The following MED24 variants were observed in gnomAD, a reference collection of about 807,000 sequenced individuals.
MED24 encodes the protein mediator of RNA polymerase II transcription subunit 24.
A neutral mutation model predicts 118.8 loss-of-function variants in MED24; 74 were observed. The ratio of observed to expected loss-of-function variants is 0.62; its 90% confidence interval spans 0.52 to 0.76. The LOEUF (loss-of-function observed/expected upper bound fraction) is 0.76. MED24 is among the 30% of genes least tolerant of loss of function. MED24 has a pLI of 0.00. For synonymous variants in MED24, 521 were observed against 523.9 expected, an observed-to-expected ratio of 0.99 and a Z score of 0.08; for missense variants, 1,041 against 1,278.9, an observed-to-expected ratio of 0.81 and a Z score of 2.84.
chr17:40,051,160 A>T (rs866056486), intron 3 of MED24, among the ~76,000 whole-genome samples: 2 of 136,944 alleles, frequency 1.5e-5, no homozygotes, highest in African/African-American at 6.0e-5. Context: ...AAAAAAAAAA[A>T]TTTTGCCAGG....
chr17:40,026,007 C>G, intron 19 of MED24, 149 bp downstream of exon 19: 1 of 774,254 alleles, frequency 1.3e-6, no homozygotes, highest in Non-Finnish European at 2.1e-6. Context: ...TTTGCTGAGT[C>G]AGATGAGTGA....
Position 40,026,894 on chromosome 17 carries a change from C to A in MED24, c.1671G>T (p.Leu557=). The A allele has an allele frequency of 1.2e-6, 2 of 1,613,856 alleles. No homozygotes were observed. Among genetic ancestry groups the A allele is most frequent in the South Asian group, 2.2e-5 (2 of 91,080 alleles). Residue 557 remains leucine, a synonymous_variant, in exon 17 of 26, where the codon CTG becomes CTT. Transcript: ENST00000394128. ...CCGAGGAGTTGTTGAGCAGGGCCAC[C>A]AGGGACTCCACTTTGGTGGAGTCGG... The part of the protein sequence containing the change: ...FRPDSTKVES[L]VALLNNSSEM...
chr17:40,040,987 ATCC>A (rs911959313), intron 3 of MED24, among the ~76,000 whole-genome samples: 8 of 151,772 alleles, frequency 5.3e-5, no homozygotes, highest in African/African-American at 1.7e-4. Flanking sequence ...GCCTCAAGTG[ATCC>A]TCCTACCTCG....
At position 40,027,926 on chromosome 17, in the gene MED24, T is replaced by C; in HGVS notation, c.1430A>G (p.Tyr477Cys). 6.2e-7 allele frequency: 1 copy of C among 1,613,762 alleles called. No individual in the cohort carries two copies. Among genetic ancestry groups the C allele is most frequent in the Non-Finnish European group, 8.5e-7 (1 of 1,179,956 alleles). Reference sequence around the variant, plus strand: ...TGACTTACTGCTTTCTTCGCTGCCATAGGTTGTGAATTCATTCAAACTGAA... The same window carrying C: ...TGACTTACTGCTTTCTTCGCTGCCACAGGTTGTGAATTCATTCAAACTGAA... Reference protein sequence around the residue: ...KFINLNEFTTYGSEESTKPAS... With the variant: ...KFINLNEFTTCGSEESTKPAS... Residue 477 changes from tyrosine (Y) to cysteine (C), a missense_variant, in exon 15 of 26, where the codon TAT (tyrosine) becomes TGT (cysteine). Physicochemically the swap from Tyr to Cys is radical, Grantham distance 194 (BLOSUM62 -2). This residue lies in a region of MED24 where 587 missense variants were observed against 694.4 expected (regional missense o/e 0.85). Coordinates refer to ENST00000394128, the MANE Select transcript of MED24 (RefSeq NM_014815.4).
chr17:40,034,936 G>A (rs1221217680), intron 6 of MED24, 181 bp downstream of exon 6: 1 of 1,564,556 alleles, frequency 6.4e-7, no homozygotes, highest in Non-Finnish European at 8.7e-7. Context: ...ATTGGCTCGG[G>A]TGCCACCCTG....
Position 40,022,795 on chromosome 17 carries a change from G to A in MED24, c.2282C>T (p.Thr761Met), listed in dbSNP as rs370489060. The A allele has an allele frequency of 3.2e-5, 51 of 1,613,524 alleles. No homozygotes were observed. The East Asian group carries it at 4.5e-4, about 14-fold the overall frequency. The change falls in exon 21 of 26, where the codon ACG (threonine) becomes ATG (methionine). Residue 761 changes from threonine to methionine, a missense_variant. Transcript: ENST00000394128. ...GTAGAGCAGCTCCACTGCCCGCAGC[G>A]TGTGCTCCTTCCGCGTCTCCTTCAG... is the stretch of plus-strand genomic sequence containing the variant. Reference protein sequence around the residue: ...ELLKETRKEHTLRAVELLYSI... With the variant: ...ELLKETRKEHMLRAVELLYSI...
chr17:40,034,676 C>A lies in MED24; in HGVS notation c.559+441G>T, dbSNP rs1983741118. 2.0e-5 allele frequency among the ~76,000 whole-genome samples: 3 copies of A among 152,334 alleles called. No individual in the cohort carries two copies. In the South Asian group the frequency reaches 6.2e-4, roughly 32 times the overall value. Reference sequence around the variant, plus strand: ...TAAAAGGGGCATTTTAGGTAACATTCAAATACAAGAGTCATCTGCTTCCAA... The same window carrying A: ...TAAAAGGGGCATTTTAGGTAACATTAAAATACAAGAGTCATCTGCTTCCAA... On this transcript the variant is annotated intron_variant, in intron 6 of 25. Coordinates refer to ENST00000394128, the MANE Select transcript of MED24 (RefSeq NM_014815.4).
At chr17:40,023,808 G>A (rs1200855513) in intron 19 of MED24, among the ~76,000 whole-genome samples, 1 of 152,176 alleles carries the variant, frequency 6.6e-6, no homozygotes, top group East Asian at 1.9e-4. Context: ...AAAGTAAACT[G>A]TTCCTTCCAG....
At chr17:40,041,613 T>G (rs919694019) in intron 3 of MED24, among the ~76,000 whole-genome samples, 1 of 152,172 alleles carries the variant, frequency 6.6e-6, no homozygotes. Flanking sequence ...AGATCAAACA[T>G]GTATCCTCAC....
At chr17:40,021,721 T>A (rs563808811) in intron 23 of MED24, among the ~76,000 whole-genome samples, 2 of 152,198 alleles carry the variant, frequency 1.3e-5, no homozygotes, top group Admixed American at 1.3e-4. Flanking sequence ...GGAACAACTG[T>A]GGGCTGGGCT....
intron 4 of MED24, 94 bp downstream of exon 4, chr17:40,036,022 T>C: frequency 1.4e-6 from 2 of 1,399,382 alleles, no homozygotes; most frequent in Admixed American, 1.7e-5. Flanking sequence ...ATGTGCTGCC[T>C]ATCCAGCCTC....
intron 3 of MED24, among the ~76,000 whole-genome samples, chr17:40,040,388 G>C (rs377370074): frequency 6.6e-6 from 1 of 151,730 alleles, no homozygotes; most frequent in African/African-American, 2.4e-5. Context: ...CCTGACTTTC[G>C]TATTTTTTGC....
chr17:40,036,198 C>T (rs191579759), intron 3 of MED24, 44 bp from the exon 4 acceptor site: 6 of 1,568,852 alleles, frequency 3.8e-6, no homozygotes, highest in Non-Finnish European at 4.4e-6. Context: ...ACTAGTCTCC[C>T]ACAGTTGAGA....
At chr17:40,023,832 G>A (rs1982333676) in intron 19 of MED24, among the ~76,000 whole-genome samples, 1 of 152,176 alleles carries the variant, frequency 6.6e-6, no homozygotes, top group African/African-American at 2.4e-5. Flanking sequence ...AGGCCCAAGG[G>A]CTGCCCCACA....
At chr17:40,034,534 C>T (rs1466041374) in intron 6 of MED24, among the ~76,000 whole-genome samples, 1 of 152,180 alleles carries the variant, frequency 6.6e-6, no homozygotes, top group Non-Finnish European at 1.5e-5. Context: ...CTGGCATCTT[C>T]CCTCCCGCCA....
rs748923472 is a variant in MED24, at chr17:40,023,367, G to T, written c.2014C>A (p.Arg672Ser). The change falls in exon 20 of 26, where the codon CGC (arginine) becomes AGC (serine). Residue 672 changes from arginine to serine, a missense_variant. Arg to Ser is a moderately radical substitution (Grantham distance 110). Coordinates refer to ENST00000394128, the MANE Select transcript of MED24 (RefSeq NM_014815.4). ...TGCTGCAGCACGTCGGCACACATGC[G>T]CTCCAGGATCGAGTTCATGATCACC... ...RVVIMNSILERMCADVLQQTA... is the reference protein window; with the variant it reads ...RVVIMNSILESMCADVLQQTA... 1 of 1,605,072 alleles carries T rather than the reference G, an allele frequency of 6.2e-7. No individual in the cohort carries two copies. The highest frequency in any genetic ancestry group is 8.5e-7 in the Non-Finnish European group (1 of 1,174,478).
Position 40,019,485 on chromosome 17 carries a change from G to T in MED24, c.*44C>A, listed in dbSNP as rs1199691477. 2 of 1,541,886 alleles carry T rather than the reference G, an allele frequency of 1.3e-6. No individual in the cohort carries two copies. The highest frequency in any genetic ancestry group is 2.7e-5 in the African/African-American group (2 of 73,316). On this transcript the variant is annotated 3_prime_UTR_variant, in exon 26 of 26. Coordinates refer to ENST00000394128, the MANE Select transcript of MED24 (RefSeq NM_014815.4). ...CACTGCTTCCCTTGGAGGCGCCTGG[G>T]GCTGCGCCAGTCCCCAGCCCCCACT...
At chr17:40,054,198 G>T in intron 1 of MED24, 163 bp downstream of exon 1, 1 of 159,718 alleles carries the variant, frequency 6.3e-6, no homozygotes, top group Non-Finnish European at 1.4e-5. Context: ...AAGGAGTTAA[G>T]GCAGTCCTGG....
In MED24 at chr17:40,027,854, C is replaced by A. The variant is rs1267393343; in HGVS notation, c.1447+55G>T. The A allele has an allele frequency of 5.0e-6, 8 of 1,584,778 alleles. No individual in the cohort carries two copies. In the South Asian group the frequency reaches 8.8e-5, roughly 17 times the overall value. ...AGCCCTCCTCCCTCCCACACTCTCC[C>A]GCCACACCCCTCCTCAGGGCCCACT... On this transcript the variant is annotated intron_variant, in intron 15 of 25. Coordinates refer to ENST00000394128, the MANE Select transcript of MED24 (RefSeq NM_014815.4).
Sources: gnomAD v4.1 joint callset for allele counts (sites outside exome capture counted in the v4.1 genomes callset) on GRCh38, gnomAD v4.1.1 for gene constraint, gnomAD v4.1.1 regional missense constraint, MANE v1.5 for transcripts, NCBI Gene and HGNC (gene_info 2026-07-23, HGNC 2026-07-21) for gene names.